FMN1: variants seen among roughly 807,000 people sequenced by gnomAD.
FMN1 encodes formin 1.
Under a neutral mutation model 132.4 loss-of-function variants are expected in FMN1, and 110 were observed. The observed-to-expected ratio is 0.83, with a 90% CI of 0.71 to 0.97. The LOEUF (loss-of-function observed/expected upper bound fraction) is 0.97, where lower values mean the gene tolerates loss of function less well. FMN1 is among the 50% of genes least tolerant of loss of function. The pLI, the probability that FMN1 is intolerant of heterozygous loss-of-function variation, is 0.00. For missense variants in FMN1, 1,792 were observed against 1,705.3 expected, an observed-to-expected ratio of 1.05 and a Z score of -0.90; for synonymous variants, 722 against 651.7, an observed-to-expected ratio of 1.11 and a Z score of -1.64.
chr15:33,054,230 T>C (rs1280305802), intron 6 of FMN1, among the ~76,000 whole-genome samples: 1 of 152,204 alleles, frequency 6.6e-6, no homozygotes, highest in African/African-American at 2.4e-5. Context: ...AGGAGATCTG[T>C]GCCTGGAAAT....
chr15:32,932,685 G>A (rs147274381), intron 9 of FMN1, among the ~76,000 whole-genome samples: 18 of 152,050 alleles, frequency 1.2e-4, no homozygotes, highest in African/African-American at 4.3e-4. Context: ...ACTTGTTACA[G>A]GTCTGTTCAG....
In FMN1 at chr15:32,920,541, T is replaced by C. The variant is rs191194196; in HGVS notation, c.3226+5633A>G. ...AAAGGTTACTTTTGGGAGTATGTTATGTCTAACCTAGCCCTATCCGCTTAC... is the reference window on the plus strand; with the variant it reads ...AAAGGTTACTTTTGGGAGTATGTTACGTCTAACCTAGCCCTATCCGCTTAC... On this transcript the variant is annotated intron_variant, in intron 10 of 20. Transcript: ENST00000616417. Among the ~76,000 whole-genome samples, 3 of 152,350 alleles carry C rather than the reference T, an allele frequency of 2.0e-5. No individual in the cohort carries two copies. In the East Asian group the frequency reaches 5.8e-4, roughly 29 times the overall value.
At chr15:33,008,209 A>G (rs2034519833) in intron 6 of FMN1, 134 bp from the exon 7 acceptor site, 1 of 704,118 alleles carries the variant, frequency 1.4e-6, no homozygotes, top group Non-Finnish European at 2.4e-6. Flanking sequence ...GAGATGTTAA[A>G]AATTACAGAA....
At chr15:32,863,075 C>T (rs1383144333) in intron 16 of FMN1, among the ~76,000 whole-genome samples, 1 of 152,200 alleles carries the variant, frequency 6.6e-6, no homozygotes, top group Non-Finnish European at 1.5e-5. Flanking sequence ...AGATGAGAGA[C>T]ATAAAGTGAA....
intron 15 of FMN1, among the ~76,000 whole-genome samples, chr15:32,890,001 A>C (rs147784162): frequency 2.0e-5 from 3 of 152,158 alleles, no homozygotes; most frequent in Non-Finnish European, 4.4e-5. Flanking sequence ...TAGCTACCAC[A>C]TATCAGTGAG....
In FMN1 at chr15:32,887,467, A is replaced by G. The variant is rs562063762; in HGVS notation, c.3835+705T>C. Among the ~76,000 whole-genome samples the G allele has an allele frequency of 2.0e-5, 3 of 152,310 alleles. No individual in the cohort carries two copies. The South Asian group carries it at 6.2e-4, about 32-fold the overall frequency. On this transcript the variant is annotated intron_variant, in intron 16 of 20. Coordinates refer to ENST00000616417, the MANE Select transcript of FMN1 (RefSeq NM_001277313.2). The stretch of plus-strand genomic sequence containing the variant: ...TCCTGCCCAAGTGAGACATATTTTC[A>G]CCTTTTAAAAAAGCCAAAAAGGGGC...
At chr15:33,142,917 A>G (rs770911292) in intron 4 of FMN1, among the ~76,000 whole-genome samples, 5 of 152,188 alleles carry the variant, frequency 3.3e-5, no homozygotes, top group Non-Finnish European at 7.3e-5. Context: ...ATAATGCAAC[A>G]TGGTTAATCT....
intron 10 of FMN1, among the ~76,000 whole-genome samples, chr15:32,921,020 A>C (rs143590455): frequency 0.017 from 2,620 of 152,292 alleles, 34 homozygotes; most frequent in Non-Finnish European, 0.028. Flanking sequence ...GGTGCTGGGG[A>C]TACATCAGTG....
intron 9 of FMN1, among the ~76,000 whole-genome samples, chr15:32,928,704 G>A (rs1297334677): frequency 6.6e-6 from 1 of 151,766 alleles, no homozygotes. Flanking sequence ...CACAACCATG[G>A]CATACACATC....
rs1380960596 is a variant in FMN1 at position 32,765,899 on chromosome 15, T to C, written c.*8411A>G. ...ATACTTCATTTGGTTGCAAATGACA[T>C]TTATAAATTCAACTCATGAGCATTT... On this transcript the variant is annotated 3_prime_UTR_variant, in exon 21 of 21. Coordinates refer to ENST00000616417, the MANE Select transcript of FMN1 (RefSeq NM_001277313.2). 6.6e-6 allele frequency: 1 copy of C among 152,204 alleles called. No homozygotes were observed. Among genetic ancestry groups the C allele is most frequent in the Admixed American group, 6.5e-5 (1 of 15,274 alleles). The allele number at this position is 152,204 out of a possible 1,614,324, so 9.4% of individuals were successfully genotyped here. A position where few individuals can be genotyped will look rare whatever the true frequency, so the allele number is the denominator to read the frequency against.
intron 4 of FMN1, among the ~76,000 whole-genome samples, chr15:33,121,916 C>G (rs1335208600): frequency 1.3e-5 from 2 of 152,198 alleles, no homozygotes; most frequent in African/African-American, 4.8e-5. Flanking sequence ...TAAGAAAAAT[C>G]TAGAACTTAA....
chr15:33,058,060 T>C (rs904074959), intron 6 of FMN1, among the ~76,000 whole-genome samples: 9 of 146,190 alleles, frequency 6.2e-5, no homozygotes, highest in African/African-American at 1.8e-4. Context: ...AAAGGTGTGG[T>C]GGGGCTGGTG....
At chr15:32,780,941 C>T (rs2056642841) in intron 19 of FMN1, among the ~76,000 whole-genome samples, 1 of 152,072 alleles carries the variant, frequency 6.6e-6, no homozygotes, top group Non-Finnish European at 1.5e-5. Context: ...TGAAAGTATT[C>T]AAAATAGACT....
chr15:33,103,944 T>C (rs1319191273), intron 4 of FMN1, among the ~76,000 whole-genome samples: 1 of 151,964 alleles, frequency 6.6e-6, no homozygotes. Flanking sequence ...TACCAGAAAA[T>C]ACAGCTCCAA....
At chr15:33,109,861 C>T (rs1054579977) in intron 4 of FMN1, among the ~76,000 whole-genome samples, 1 of 151,514 alleles carries the variant, frequency 6.6e-6, no homozygotes, top group Admixed American at 6.6e-5. Context: ...AATGCAAGCT[C>T]AAAGAACATT....
At chr15:33,093,980 A>G (rs1207211097) in intron 4 of FMN1, among the ~76,000 whole-genome samples, 1 of 152,248 alleles carries the variant, frequency 6.6e-6, no homozygotes, top group Admixed American at 6.5e-5. Flanking sequence ...AGATTGCAGT[A>G]TTTCCAACAT....
At chr15:33,020,957 C>A (rs16963356) in intron 6 of FMN1, among the ~76,000 whole-genome samples, 2,359 of 152,276 alleles carry the variant, frequency 0.015, 136 homozygotes, top group East Asian at 0.15. Context: ...TCTTTTTGGG[C>A]AATGGAGAAT....
intron 6 of FMN1, among the ~76,000 whole-genome samples, chr15:33,049,181 A>G (rs747686359): frequency 4.6e-5 from 7 of 152,210 alleles, no homozygotes; most frequent in Non-Finnish European, 7.3e-5. Flanking sequence ...TTTTGGTCAC[A>G]TTGTAACCTA....
intron 16 of FMN1, among the ~76,000 whole-genome samples, chr15:32,876,930 C>T (rs570175589): frequency 4.0e-4 from 57 of 144,238 alleles, no homozygotes; most frequent in African/African-American, 1.3e-3. Context: ...CCATGATTCC[C>T]AATTTTGGCC....
Sources: allele counts gnomAD v4.1 joint callset (sites outside exome capture counted in the v4.1 genomes callset), GRCh38; gene constraint gnomAD v4.1.1; transcripts MANE v1.5; gene names NCBI Gene and HGNC (gene_info 2026-07-23, HGNC 2026-07-21).